The following DNAH6 variants were observed in gnomAD, a reference collection of about 807,000 sequenced individuals.
DNAH6 encodes dynein axonemal heavy chain 6.
DNAH6 carries 340 observed loss-of-function variants against 491.4 expected under a neutral mutation model. The observed-to-expected ratio is 0.69, with a 90% confidence interval of 0.63 to 0.76. DNAH6 has a LOEUF of 0.76. Among genes scored for constraint, DNAH6 ranks in the 30% least tolerant of loss-of-function variants. DNAH6 has a pLI of 0.00. For missense variants in DNAH6, 4,443 were observed against 4,972.2 expected (o/e 0.89, Z 3.20); for synonymous variants, 1,603 against 1,686.1 (o/e 0.95, Z 1.21).
intron 21 of DNAH6, among the ~76,000 whole-genome samples, chr2:84,608,353 A>G (rs1685982631): frequency 1.8e-5 from 2 of 110,972 alleles, no homozygotes; most frequent in African/African-American, 6.3e-5. Flanking sequence ...TCCCGGATCC[A>G]TCAGAGGAAT....
In DNAH6 at chr2:84,669,905, G is replaced by A. The variant is rs11126973; in HGVS notation, c.6306+395G>A. Among the ~76,000 whole-genome samples the A allele has an allele frequency of 5.4e-3, 822 of 152,248 alleles. 17 individuals carry two copies. The East Asian group carries it at 0.091, about 17-fold the overall frequency. On this transcript the variant is annotated intron_variant, in intron 38 of 76. Coordinates refer to ENST00000389394, the MANE Select transcript of DNAH6 (RefSeq NM_001370.2). ...TTCACTTATACCTGATACAGCAGTG[G>A]TATCCTTGACTATTTGGGGTTTTTT...
Position 84,781,495 on chromosome 2 carries a change from T to C in DNAH6, c.10706T>C (p.Val3569Ala). 6.5e-7 allele frequency: 1 copy of C among 1,548,872 alleles called. No individual in the cohort carries two copies. The highest frequency in any genetic ancestry group is 8.7e-7 in the Non-Finnish European group (1 of 1,144,958). The change falls in exon 65 of 77, where the codon GTG (valine) becomes GCG (alanine). Residue 3569 changes from valine to alanine, a missense_variant and splice_region_variant. Val to Ala is a moderately conservative substitution (Grantham distance 64). Around this residue, in one of 3 missense-constraint regions of DNAH6, gnomAD observed 1,463 missense variants for 1,656.6 expected, o/e 0.88. Coordinates refer to ENST00000389394, the MANE Select transcript of DNAH6 (RefSeq NM_001370.2). ...FARESGYSER[V>A]QSISLGQGQG... Reference sequence around the variant, plus strand: ...TGTGTTCTTGCTGTTCAATTCAGGGTGCAGTCAATTTCACTGGGGCAAGGA... The same window carrying C: ...TGTGTTCTTGCTGTTCAATTCAGGGCGCAGTCAATTTCACTGGGGCAAGGA...
intron 3 of DNAH6, among the ~76,000 whole-genome samples, chr2:84,528,416 A>C (rs1354613204): frequency 1.3e-5 from 2 of 152,168 alleles, no homozygotes; most frequent in Non-Finnish European, 2.9e-5. Context: ...GATTCCCAAC[A>C]CTCAATATAA....
At chr2:84,589,652 C>T (rs927965966) in intron 16 of DNAH6, among the ~76,000 whole-genome samples, 5 of 140,584 alleles carry the variant, frequency 3.6e-5, no homozygotes, top group East Asian at 2.2e-4. Flanking sequence ...GCGGAGGTTG[C>T]GGTGAGCCAA....
intron 63 of DNAH6, among the ~76,000 whole-genome samples, chr2:84,746,526 A>T (rs1672994295): frequency 6.6e-6 from 1 of 152,212 alleles, no homozygotes; most frequent in Non-Finnish European, 1.5e-5. Context: ...TTTATTGTTA[A>T]TAAGGGTATA....
the DNAH6 span, among the ~76,000 whole-genome samples, chr2:84,475,411 G>C: frequency 6.6e-6 from 1 of 152,204 alleles, no homozygotes; most frequent in African/African-American, 2.4e-5. Context: ...ACACTGACTT[G>C]CCCAGTGATG....
upstream of DNAH6, among the ~76,000 whole-genome samples, chr2:84,513,778 T>C (rs1675422108): frequency 1.3e-5 from 2 of 152,172 alleles, no homozygotes; most frequent in African/African-American, 4.8e-5. Context: ...TGCATTTTTT[T>C]CCCCAGACCA....
intron 37 of DNAH6, among the ~76,000 whole-genome samples, chr2:84,665,479 C>T (rs535807152): frequency 6.6e-6 from 1 of 152,290 alleles, no homozygotes; most frequent in African/African-American, 2.4e-5. Context: ...CACCTCTACA[C>T]AAATAAACTA....
intron 63 of DNAH6, among the ~76,000 whole-genome samples, chr2:84,751,452 C>T (rs1269472615): frequency 6.6e-6 from 1 of 152,136 alleles, no homozygotes; most frequent in Non-Finnish European, 1.5e-5. Flanking sequence ...ACACAAAAAC[C>T]AAGCCTTCTT....
chr2:84,482,937 CAT>C, the DNAH6 span, among the ~76,000 whole-genome samples: 8 of 151,752 alleles, frequency 5.3e-5, no homozygotes, highest in East Asian at 1.5e-3. Context: ...GTGAGGATAA[CAT>C]ATTTTATGTT....
At chr2:84,666,876 G>A (rs545734647) in intron 37 of DNAH6, among the ~76,000 whole-genome samples, 1 of 152,268 alleles carries the variant, frequency 6.6e-6, no homozygotes, top group East Asian at 1.9e-4. Flanking sequence ...AACCAAAACA[G>A]CATGATACTG....
chr2:84,478,469 T>C, the DNAH6 span, among the ~76,000 whole-genome samples: 31 of 152,208 alleles, frequency 2.0e-4, no homozygotes, highest in Non-Finnish European at 3.1e-4. Flanking sequence ...GTTTGTTGAA[T>C]GCTTGATCCA....
At chr2:84,726,916 A>G (rs1378245342) in intron 60 of DNAH6, among the ~76,000 whole-genome samples, 1 of 152,208 alleles carries the variant, frequency 6.6e-6, no homozygotes, top group Non-Finnish European at 1.5e-5. Context: ...TCTTTATAAT[A>G]TGGGGCACCT....
rs1232390590 is a variant in DNAH6 at position 84,604,382 on chromosome 2, G to A, written c.2912G>A (p.Arg971Lys). The A allele has an allele frequency of 6.4e-7, 1 of 1,552,210 alleles. No individual in the cohort carries two copies. The highest frequency in any genetic ancestry group is 1.2e-5 in the South Asian group (1 of 84,066). The change falls in exon 19 of 77, where the codon AGA (arginine) becomes AAA (lysine). Residue 971 changes from arginine (R) to lysine (K), a missense_variant. This residue lies in a region of DNAH6 where 2,977 missense variants were observed against 3,296.6 expected (regional missense o/e 0.90). Coordinates refer to ENST00000389394, the MANE Select transcript of DNAH6 (RefSeq NM_001370.2). ...TTGAGGAACCCGACTTTGAAGGCAA[G>A]ACATTGGGCAGCTATTGAACAAACA... ...IDLRNPTLKA[R>K]HWAAIEQTVD...
intron 45 of DNAH6, among the ~76,000 whole-genome samples, chr2:84,693,231 A>G (rs1185598394): frequency 6.6e-6 from 1 of 151,386 alleles, no homozygotes; most frequent in African/African-American, 2.4e-5. Context: ...TTATTTTAAG[A>G]TTGCTATCTT....
intron 11 of DNAH6, among the ~76,000 whole-genome samples, chr2:84,562,742 C>G (rs1308211697): frequency 6.6e-6 from 1 of 152,198 alleles, no homozygotes; most frequent in Non-Finnish European, 1.5e-5. Flanking sequence ...GCACTTAATT[C>G]CTCCAGCAGT....
At chr2:84,686,655 A>AG in intron 44 of DNAH6, 98 bp downstream of exon 44, 1 of 755,078 alleles carries the variant, frequency 1.3e-6, no homozygotes. Context: ...TACATGTGTG[A>AG]GGAGTTAAGA....
the DNAH6 span, chr2:84,460,158 C>T: frequency 6.6e-5 from 10 of 152,176 alleles, no homozygotes; most frequent in African/African-American, 2.4e-4. Context: ...TCAGAATTGT[C>T]AATAAAATTG....
At chr2:84,698,678 A>G (rs371029829) in intron 47 of DNAH6, among the ~76,000 whole-genome samples, 1 of 152,242 alleles carries the variant, frequency 6.6e-6, no homozygotes, top group Non-Finnish European at 1.5e-5. Flanking sequence ...CAGCAATCCC[A>G]TTACTGGTAT....
Sources: gnomAD v4.1 joint callset for allele counts (sites outside exome capture counted in the v4.1 genomes callset) on GRCh38, gnomAD v4.1.1 for gene constraint, gnomAD v4.1.1 regional missense constraint, MANE v1.5 for transcripts, NCBI Gene and HGNC (gene_info 2026-07-23, HGNC 2026-07-21) for gene names.